The following ATP6V0A2 variants were observed in gnomAD, a reference collection of about 807,000 sequenced individuals.
The protein encoded by ATP6V0A2 is ATPase H+ transporting V0 subunit a2.
ATP6V0A2 carries 58 observed loss-of-function variants against 104.4 expected under a neutral mutation model. The observed-to-expected ratio is 0.56, with a 90% CI of 0.45 to 0.69. The LOEUF (loss-of-function observed/expected upper bound fraction) is 0.69. Ranked by LOEUF, ATP6V0A2 falls within the 30% of genes least tolerant of loss-of-function variation. The probability of loss-of-function intolerance (pLI) is 0.00; values close to 1 mark genes in which losing one functional copy is unlikely to be tolerated. For missense variants in ATP6V0A2, 938 were observed against 1,062.9 expected (o/e 0.88, Z 1.63); for synonymous variants, 376 against 397.9 (o/e 0.95, Z 0.65).
intron 9 of ATP6V0A2, among the ~76,000 whole-genome samples, chr12:123,739,840 C>T (rs1244693335): frequency 6.6e-6 from 1 of 152,144 alleles, no homozygotes; most frequent in Non-Finnish European, 1.5e-5. Flanking sequence ...GCACCTTGCT[C>T]CCAACAGAAA....
Position 123,760,247 on chromosome 12 carries a change from G to A in ATP6V0A2, c.*2215G>A, listed in dbSNP as rs1956797970. 1 of 152,200 alleles carries A rather than the reference G, an allele frequency of 6.6e-6. No homozygotes were observed. Among genetic ancestry groups the A allele is most frequent in the South Asian group, 2.1e-4 (1 of 4,836 alleles). 9.4% of individuals were successfully genotyped at this position (152,200 alleles called of 1,614,324 possible). On this transcript the variant is annotated 3_prime_UTR_variant, in exon 20 of 20. Transcript: ENST00000330342. ...AATTAACACCTCTTCTCAGCATAGA[G>A]CAGAGGATGCAGTCATTTCTCTGTT...
rs951692144 is a variant in ATP6V0A2, at chr12:123,758,244, TA to T, written c.*213del. 3.7e-5 allele frequency: 17 copies of T among 453,762 alleles called. No individual in the cohort carries two copies. The highest frequency in any genetic ancestry group is 1.1e-4 in the South Asian group (3 of 26,190). 28.1% of individuals were successfully genotyped at this position (453,762 alleles called of 1,614,324 possible). On this transcript the variant is annotated 3_prime_UTR_variant, in exon 20 of 20. Coordinates refer to ENST00000330342, the MANE Select transcript of ATP6V0A2 (RefSeq NM_012463.4). ...GATATAAAAATTTCTTTTGGTTTTT[TA>T]TGATGAGCAAATATAAGTTAATGCC...
intron 2 of ATP6V0A2, chr12:123,721,207 G>A (rs1040965255): frequency 1.2e-5 from 2 of 163,910 alleles, no homozygotes; most frequent in Non-Finnish European, 2.7e-5. Flanking sequence ...GTTTTGTTTT[G>A]TTTTGTTTTG....
chr12:123,744,794 C>G lies in ATP6V0A2; in HGVS notation c.1514+10C>G. On this transcript the variant is annotated intron_variant, in intron 12 of 19. Coordinates refer to ENST00000330342, the MANE Select transcript of ATP6V0A2 (RefSeq NM_012463.4). The surrounding 1 kb of genome is among the most constrained non-coding windows in gnomAD (Gnocchi z 5.4). ...AGATGGTGCTTTGGAAGTAAGTGTC[C>G]CATAGCTGGTGATGCTCTGGGTGGA... The G allele has an allele frequency of 6.2e-7, 1 of 1,614,154 alleles. No homozygotes were observed. Among genetic ancestry groups the G allele is most frequent in the Non-Finnish European group, 8.5e-7 (1 of 1,180,020 alleles).
rs573032218 is a variant in ATP6V0A2 at position 123,728,489 on chromosome 12, G to A, written c.648+580G>A. On this transcript the variant is annotated intron_variant, in intron 6 of 19. Transcript: ENST00000330342. ...GGTCTTGAGCCATCCTCCTGCCTTGGCCTCCCAAAGTGTTGGGGTTACAGG... is the reference window on the plus strand; with the variant it reads ...GGTCTTGAGCCATCCTCCTGCCTTGACCTCCCAAAGTGTTGGGGTTACAGG... Among the ~76,000 whole-genome samples, 13 of 151,260 alleles carry A rather than the reference G, an allele frequency of 8.6e-5. No individual in the cohort carries two copies. In the East Asian group the frequency reaches 2.3e-3, roughly 27 times the overall value.
chr12:123,722,527 C>T, intron 3 of ATP6V0A2, 79 bp downstream of exon 3: 1 of 848,308 alleles, frequency 1.2e-6, no homozygotes, highest in Middle Eastern at 2.2e-4. Flanking sequence ...TTGTCTAATG[C>T]TTTTCTGCCT....
At chr12:123,751,862 CTTT>C (rs34862238) in intron 16 of ATP6V0A2, among the ~76,000 whole-genome samples, 2 of 123,444 alleles carry the variant, frequency 1.6e-5, no homozygotes, top group Non-Finnish European at 3.3e-5. Flanking sequence ...TTCTTTCTTT[CTTT>C]TTTTTTTTTT....
At chr12:123,745,081 C>A in intron 13 of ATP6V0A2, 109 bp downstream of exon 13, 2 of 1,115,826 alleles carry the variant, frequency 1.8e-6, no homozygotes, top group Non-Finnish European at 2.7e-6. Context: ...CTGCCCTGAG[C>A]GGGAGGTGCT....
intron 18 of ATP6V0A2, among the ~76,000 whole-genome samples, chr12:123,756,102 GA>G (rs1566294021): frequency 1.4e-5 from 2 of 145,536 alleles, no homozygotes; most frequent in Non-Finnish European, 3.0e-5. Context: ...AAAAAAAACC[GA>G]AAAACAACTC....
intron 9 of ATP6V0A2, 110 bp downstream of exon 9, chr12:123,737,381 G>A (rs559356013): frequency 3.0e-6 from 3 of 1,010,628 alleles, no homozygotes; most frequent in African/African-American, 1.6e-5. Flanking sequence ...AGAATGCAGT[G>A]TGTTGACTCT....
Position 123,722,491 on chromosome 12 carries a change from G to C in ATP6V0A2, c.294+43G>C, listed in dbSNP as rs772933246. ...AAGCTGGTTGCAGCCATTGATCTTG[G>C]GGGCTGCTTACTTACTTATTTCATG... On this transcript the variant is annotated intron_variant, in intron 3 of 19. Transcript: ENST00000330342. 4.4e-6 allele frequency: 5 copies of C among 1,135,134 alleles called. 1 individual carries two copies. In the South Asian group the frequency reaches 6.1e-5, roughly 14 times the overall value. The allele number at this position is 1,135,134 out of a possible 1,614,324, so 70.3% of individuals were successfully genotyped here. A position where few individuals can be genotyped will look rare whatever the true frequency, so the allele number is the denominator to read the frequency against.
At chr12:123,721,382 T>A (rs7962743) in intron 2 of ATP6V0A2, 6,719 of 157,462 alleles carry the variant, frequency 0.043, 429 homozygotes, top group African/African-American at 0.14. Flanking sequence ...AAGGGGATGG[T>A]CACAGGGTAC....
chr12:123,749,822 T>C (rs957921290), intron 15 of ATP6V0A2, among the ~76,000 whole-genome samples: 1 of 152,170 alleles, frequency 6.6e-6, no homozygotes, highest in South Asian at 2.1e-4. Context: ...GAGCCTGTGT[T>C]CCTCCTGAGC....
intron 15 of ATP6V0A2, 114 bp from the exon 16 acceptor site, chr12:123,750,996 G>T: frequency 2.1e-6 from 3 of 1,437,454 alleles, no homozygotes; most frequent in African/African-American, 1.4e-5. Flanking sequence ...GGCATTTATT[G>T]AATGTTCCTC....
chr12:123,718,152 A>G (rs1251770621), intron 1 of ATP6V0A2, among the ~76,000 whole-genome samples: 2 of 150,338 alleles, frequency 1.3e-5, no homozygotes, highest in African/African-American at 4.9e-5. Flanking sequence ...TGCAAATGGC[A>G]CGATCTTGGC....
intron 6 of ATP6V0A2, 104 bp from the exon 7 acceptor site, chr12:123,733,822 A>G: frequency 1.2e-6 from 1 of 835,810 alleles, no homozygotes. Context: ...TATTGACTGT[A>G]TTGAATGAGT....
chr12:123,752,441 T>C, intron 17 of ATP6V0A2, 39 bp downstream of exon 17: 7 of 1,609,792 alleles, frequency 4.3e-6, no homozygotes, highest in Non-Finnish European at 6.0e-6. Flanking sequence ...CTTAGATAAG[T>C]AACCAAGCTT....
At chr12:123,716,812 A>G (rs1956345038) in intron 1 of ATP6V0A2, among the ~76,000 whole-genome samples, 1 of 151,868 alleles carries the variant, frequency 6.6e-6, no homozygotes, top group South Asian at 2.1e-4. Flanking sequence ...AAGAGTTTAT[A>G]GAGTCATGCA....
At chr12:123,739,498 T>C (rs952630429) in intron 9 of ATP6V0A2, among the ~76,000 whole-genome samples, 1 of 152,148 alleles carries the variant, frequency 6.6e-6, no homozygotes, top group Non-Finnish European at 1.5e-5. Flanking sequence ...TCGCCAAGAT[T>C]GAATTTGATC....
Sources: allele counts gnomAD v4.1 joint callset (sites outside exome capture counted in the v4.1 genomes callset), GRCh38; gene constraint gnomAD v4.1.1; non-coding constraint Gnocchi (gnomAD v3.1); transcripts MANE v1.5; gene names NCBI Gene and HGNC (gene_info 2026-07-23, HGNC 2026-07-21).